The following PDCD1LG2 variants were observed in gnomAD, a reference collection of about 807,000 sequenced individuals.
PDCD1LG2 encodes the protein programmed cell death 1 ligand 2.
In PDCD1LG2, 32 loss-of-function variants were observed where a neutral mutation model predicts 28.2. The observed-to-expected ratio is 1.13, with a 90% CI of 0.86 to 1.52. PDCD1LG2 has a LOEUF of 1.52. PDCD1LG2 is among the 40% of genes most tolerant of loss of function. PDCD1LG2 has a pLI of 0.00. For synonymous variants in PDCD1LG2, 116 were observed against 120.2 expected (o/e 0.97, Z 0.23); for missense variants, 385 against 323.8 (o/e 1.19, Z -1.45).
chr9:5,561,633 A>G (rs1816564543), intron 5 of PDCD1LG2, among the ~76,000 whole-genome samples: 1 of 152,242 alleles, frequency 6.6e-6, no homozygotes. Flanking sequence ...TCAAGTTAGA[A>G]TCCAGCAGAA....
chr9:5,531,435 G>A (rs1404855653), intron 2 of PDCD1LG2, among the ~76,000 whole-genome samples: 3 of 152,168 alleles, frequency 2.0e-5, no homozygotes, highest in Non-Finnish European at 4.4e-5. Context: ...GGTATTCTGA[G>A]CTATTCAGAC....
At chr9:5,557,780 A>C in intron 5 of PDCD1LG2, 28 bp downstream of exon 5, 1 of 1,612,762 alleles carries the variant, frequency 6.2e-7, no homozygotes, top group Non-Finnish European at 8.5e-7. Flanking sequence ...ATGGTAACCC[A>C]ATGCACTGGG....
intron 6 of PDCD1LG2, among the ~76,000 whole-genome samples, chr9:5,564,999 T>G (rs1816635277): frequency 1.3e-5 from 2 of 152,198 alleles, no homozygotes; most frequent in South Asian, 4.1e-4. Context: ...ATCCTCACAG[T>G]AGCCCTCTGA....
intron 2 of PDCD1LG2, among the ~76,000 whole-genome samples, chr9:5,531,411 CAATT>C (rs1305397953): frequency 6.6e-6 from 1 of 152,160 alleles, no homozygotes; most frequent in African/African-American, 2.4e-5. Flanking sequence ...GACCAAGTAA[CAATT>C]AATCTTCTAG....
chr9:5,511,941 CT>C (rs1165132498), intron 1 of PDCD1LG2, among the ~76,000 whole-genome samples: 13 of 152,158 alleles, frequency 8.5e-5, no homozygotes, highest in Non-Finnish European at 1.6e-4. Context: ...CACATAGGTG[CT>C]TAGTGGGTGC....
At chr9:5,554,609 C>T (rs1319624705) in intron 4 of PDCD1LG2, among the ~76,000 whole-genome samples, 3 of 152,194 alleles carry the variant, frequency 2.0e-5, no homozygotes, top group Non-Finnish European at 2.9e-5. Flanking sequence ...ATTTCAAGCA[C>T]AAGTTAGGGA....
chr9:5,539,562 A>C (rs930673876), intron 3 of PDCD1LG2, among the ~76,000 whole-genome samples: 1 of 152,228 alleles, frequency 6.6e-6, no homozygotes. Context: ...GACAGTGATA[A>C]AGGACTGTGG....
intron 5 of PDCD1LG2, 109 bp downstream of exon 5, chr9:5,557,861 G>T: frequency 7.4e-7 from 1 of 1,354,706 alleles, no homozygotes; most frequent in Non-Finnish European, 1.0e-6. Flanking sequence ...AACCCACTCA[G>T]AGCTTATGAA....
intron 1 of PDCD1LG2, among the ~76,000 whole-genome samples, chr9:5,516,964 C>T (rs1820178673): frequency 6.6e-6 from 1 of 152,210 alleles, no homozygotes; most frequent in African/African-American, 2.4e-5. Flanking sequence ...GCGGTTCCCA[C>T]CCCGCCAACT....
At chr9:5,562,879 T>C (rs1461801607) in intron 5 of PDCD1LG2, among the ~76,000 whole-genome samples, 2 of 152,196 alleles carry the variant, frequency 1.3e-5, no homozygotes, top group Non-Finnish European at 2.9e-5. Flanking sequence ...CAGCCAGACA[T>C]TTCCTGGATT....
chr9:5,537,333 G>T (rs1039022084), intron 3 of PDCD1LG2, among the ~76,000 whole-genome samples: 1 of 151,968 alleles, frequency 6.6e-6, no homozygotes, highest in East Asian at 1.9e-4. Flanking sequence ...ATGGTTCTTC[G>T]GATTCATGAA....
At chr9:5,530,713 G>C (rs1252322409) in intron 2 of PDCD1LG2, among the ~76,000 whole-genome samples, 2 of 152,216 alleles carry the variant, frequency 1.3e-5, no homozygotes, top group Non-Finnish European at 2.9e-5. Context: ...GAGTTGCTGG[G>C]AGGATCAGAT....
intron 2 of PDCD1LG2, among the ~76,000 whole-genome samples, chr9:5,525,613 A>G (rs1820358732): frequency 6.6e-6 from 1 of 152,118 alleles, no homozygotes; most frequent in African/African-American, 2.4e-5. Context: ...ATGTAACTAC[A>G]TCTATGAATC....
chr9:5,524,934 G>A (rs1044107813), intron 2 of PDCD1LG2, among the ~76,000 whole-genome samples: 1 of 152,160 alleles, frequency 6.6e-6, no homozygotes, highest in Non-Finnish European at 1.5e-5. Context: ...TTTCTTCCTT[G>A]CTCCTTGTAC....
intron 1 of PDCD1LG2, among the ~76,000 whole-genome samples, chr9:5,520,215 G>A (rs66636692): frequency 0.073 from 11,124 of 152,186 alleles, 457 homozygotes; most frequent in East Asian, 0.14. Flanking sequence ...AGTAATCAAC[G>A]CTGTGTGGTA....
At chr9:5,566,511 C>T (rs1816668893) in intron 6 of PDCD1LG2, among the ~76,000 whole-genome samples, 1 of 152,196 alleles carries the variant, frequency 6.6e-6, no homozygotes, top group Admixed American at 6.5e-5. Context: ...TTGGCATATG[C>T]TTTGCCATAT....
intron 3 of PDCD1LG2, among the ~76,000 whole-genome samples, chr9:5,541,619 T>A (rs1820687687): frequency 6.6e-6 from 1 of 151,990 alleles, no homozygotes; most frequent in Non-Finnish European, 1.5e-5. Flanking sequence ...ACGAAGGACA[T>A]GAAAGACCTC....
chr9:5,529,882 A>G (rs556125463), intron 2 of PDCD1LG2, among the ~76,000 whole-genome samples: 51 of 152,216 alleles, frequency 3.4e-4, no homozygotes, highest in Non-Finnish European at 5.4e-4. Context: ...CAGTCCTCCT[A>G]CACTGAGCAG....
At chr9:5,534,655 G>A in intron 2 of PDCD1LG2, 90 bp from the exon 3 acceptor site, 2 of 1,193,920 alleles carry the variant, frequency 1.7e-6, no homozygotes, top group South Asian at 1.5e-5. Flanking sequence ...TTTGGAAAAT[G>A]GGGGTGAGAT....
Sources: allele counts gnomAD v4.1 joint callset (sites outside exome capture counted in the v4.1 genomes callset), GRCh38; gene constraint gnomAD v4.1.1; transcripts MANE v1.5; gene names NCBI Gene and HGNC (gene_info 2026-07-23, HGNC 2026-07-21).